Variants in SEZ6L observed in about 807,000 individuals in gnomAD.
The protein encoded by SEZ6L is seizure related 6 homolog like, also known as seizure 6-like protein.
SEZ6L carries 37 observed loss-of-function variants against 106.2 expected under a neutral mutation model. The observed-to-expected ratio is 0.35, with a 90% confidence interval of 0.27 to 0.46. SEZ6L has a LOEUF of 0.46. Among genes scored for constraint, SEZ6L ranks in the 20% least tolerant of loss-of-function variants. SEZ6L has a pLI of 1.00. For missense variants in SEZ6L, 1,172 were observed against 1,332.8 expected (o/e 0.88, Z 1.88); for synonymous variants, 541 against 570.4 (o/e 0.95, Z 0.73).
intron 1 of SEZ6L, among the ~76,000 whole-genome samples, chr22:26,272,361 T>C (rs2080396966): frequency 1.3e-5 from 2 of 152,190 alleles, no homozygotes; most frequent in South Asian, 4.1e-4. Context: ...CATGTGACTC[T>C]AAATAGGTTC....
At chr22:26,281,152 A>G (rs928456158) in intron 1 of SEZ6L, among the ~76,000 whole-genome samples, 1 of 143,086 alleles carries the variant, frequency 7.0e-6, no homozygotes. Context: ...CTACTCCTGA[A>G]TTAATGGATT....
chr22:26,234,096 G>A (rs980176818), intron 1 of SEZ6L, among the ~76,000 whole-genome samples: 2 of 152,212 alleles, frequency 1.3e-5, no homozygotes, highest in Non-Finnish European at 2.9e-5. Context: ...CATGGCATGG[G>A]GGACGTGAAT....
intron 1 of SEZ6L, among the ~76,000 whole-genome samples, chr22:26,172,009 A>G (rs1938651984): frequency 6.6e-6 from 1 of 152,104 alleles, no homozygotes; most frequent in Non-Finnish European, 1.5e-5. Context: ...CTACATTCTG[A>G]TGCAGGTCAC....
At chr22:26,348,796 A>AGGGGG (rs2083166165) in intron 11 of SEZ6L, among the ~76,000 whole-genome samples, 1 of 13,640 alleles carries the variant, frequency 7.3e-5, no homozygotes, top group Non-Finnish European at 1.3e-4. Flanking sequence ...AAGGGGAGGG[A>AGGGGG]AGGGGAGGGA....
intron 8 of SEZ6L, 104 bp from the exon 9 acceptor site, chr22:26,313,660 G>C (rs921081624): frequency 7.0e-5 from 97 of 1,389,412 alleles, no homozygotes; most frequent in Non-Finnish European, 8.3e-5. Context: ...ACAGTACACA[G>C]AGATTCACGG....
At chr22:26,237,093 C>T (rs1453530605) in intron 1 of SEZ6L, among the ~76,000 whole-genome samples, 1 of 152,180 alleles carries the variant, frequency 6.6e-6, no homozygotes, top group African/African-American at 2.4e-5. Context: ...CAAATCCAGG[C>T]TTAGCTGCTC....
intron 1 of SEZ6L, among the ~76,000 whole-genome samples, chr22:26,263,491 T>A (rs928969404): frequency 6.6e-6 from 1 of 152,224 alleles, no homozygotes; most frequent in Non-Finnish European, 1.5e-5. Flanking sequence ...TGGATTTGAA[T>A]GAAAAGTTCT....
At chr22:26,293,207 A>G in intron 2 of SEZ6L, 61 bp downstream of exon 2, 2 of 1,451,672 alleles carry the variant, frequency 1.4e-6, no homozygotes, top group Non-Finnish European at 1.8e-6. Context: ...CACTATGTTC[A>G]GGGCATGTGG....
chr22:26,324,322 T>A (rs2082246933), intron 9 of SEZ6L, among the ~76,000 whole-genome samples: 1 of 152,192 alleles, frequency 6.6e-6, no homozygotes, highest in African/African-American at 2.4e-5. Context: ...TTGCTCCCTG[T>A]TTATGAGCCC....
chr22:26,308,397 G>A (rs2018207), intron 6 of SEZ6L, among the ~76,000 whole-genome samples: 35,079 of 150,962 alleles, frequency 0.23, 5,067 homozygotes, highest in African/African-American at 0.4. Flanking sequence ...CTAGATTGGG[G>A]TTATATCCTG....
chr22:26,371,664 A>G (rs1184871053), intron 13 of SEZ6L, among the ~76,000 whole-genome samples: 2 of 110,116 alleles, frequency 1.8e-5, no homozygotes, highest in Non-Finnish European at 3.7e-5. Context: ...AAATGACAAA[A>G]AAAGGAAAAA....
chr22:26,306,210 CT>C, intron 6 of SEZ6L, 66 bp downstream of exon 6: 1 of 1,546,838 alleles, frequency 6.5e-7, no homozygotes. Context: ...GGCTTGAGGA[CT>C]TGGAGTCTTG....
chr22:26,363,651 CA>C (rs2083709781), intron 12 of SEZ6L, among the ~76,000 whole-genome samples: 4 of 152,196 alleles, frequency 2.6e-5, no homozygotes, highest in Admixed American at 2.6e-4. Flanking sequence ...ACGCTTCAAA[CA>C]ACACGTTTAT....
At chr22:26,195,499 T>C (rs561899463) in intron 1 of SEZ6L, among the ~76,000 whole-genome samples, 2 of 152,328 alleles carry the variant, frequency 1.3e-5, no homozygotes, top group East Asian at 3.9e-4. Flanking sequence ...ATATGTAAAG[T>C]GTTTGGCACT....
intron 1 of SEZ6L, among the ~76,000 whole-genome samples, chr22:26,248,527 T>C (rs1394114564): frequency 6.6e-6 from 1 of 152,148 alleles, no homozygotes; most frequent in Non-Finnish European, 1.5e-5. Flanking sequence ...TTTTGATTGT[T>C]GTAATGACCT....
intron 1 of SEZ6L, among the ~76,000 whole-genome samples, chr22:26,225,631 G>A (rs183579858): frequency 2.7e-4 from 41 of 152,314 alleles, no homozygotes; most frequent in Admixed American, 2.6e-3. Context: ...AGAGGGATTA[G>A]GGATGTGCTT....
In SEZ6L at chr22:26,306,104, C is replaced by T; in HGVS notation, c.1474C>T (p.His492Tyr). ...TGAAGCTCCAGAGGGCCAGAAGCTG[C>T]ACCTGCACTTTGAGAGGCTGTTGCT... The part of the protein sequence containing the change: ...TIEAPEGQKL[H>Y]LHFERLLLHD... Residue 492 changes from histidine (H) to tyrosine (Y), a missense_variant, in exon 6 of 17, where the codon CAC (histidine) becomes TAC (tyrosine). Transcript: ENST00000248933. 6.2e-7 allele frequency: 1 copy of T among 1,614,128 alleles called. No individual in the cohort carries two copies. The highest frequency in any genetic ancestry group is 8.5e-7 in the Non-Finnish European group (1 of 1,180,026).
chr22:26,310,591 C>T (rs762530199), intron 6 of SEZ6L, 79 bp from the exon 7 acceptor site: 74 of 1,488,762 alleles, frequency 5.0e-5, no homozygotes, highest in Admixed American at 2.6e-4. Flanking sequence ...CAGAGGCAGT[C>T]GTAGCACATC....
chr22:26,263,198 G>T (rs925807253), intron 1 of SEZ6L, among the ~76,000 whole-genome samples: 1 of 152,204 alleles, frequency 6.6e-6, no homozygotes, highest in East Asian at 1.9e-4. Flanking sequence ...GTTATTACCT[G>T]CAGAGTTTAC....
Sources: gnomAD v4.1 joint callset for allele counts (sites outside exome capture counted in the v4.1 genomes callset) on GRCh38, gnomAD v4.1.1 for gene constraint, MANE v1.5 for transcripts, NCBI Gene and HGNC (gene_info 2026-07-23, HGNC 2026-07-21) for gene names.